Variants in PRKN observed in about 807,000 individuals in gnomAD.
PRKN encodes E3 ubiquitin-protein ligase parkin.
A neutral mutation model predicts 59.5 loss-of-function variants in PRKN; 56 were observed. The ratio of observed to expected loss-of-function variants is 0.94; its 90% CI spans 0.76 to 1.18. The LOEUF (loss-of-function observed/expected upper bound fraction) is 1.18. Ranked by LOEUF, PRKN falls within the 50% of genes most tolerant of loss-of-function variation. The pLI, the probability that PRKN is intolerant of heterozygous loss-of-function variation, is 0.00. For missense variants in PRKN, 657 were observed against 596.4 expected, an observed-to-expected ratio of 1.10 and a Z score of -1.06; for synonymous variants, 250 against 222.1, an observed-to-expected ratio of 1.13 and a Z score of -1.12.
rs538280426 is a variant in PRKN, at chr6:162,019,891, C to T, written c.618+34200G>A. ...AAAATTAGCCTGGTGTGGTGGCGGG[C>T]GCCTGTAATCCCAGCTACTCAGGAG... On this transcript the variant is annotated intron_variant, in intron 5 of 11. Transcript: ENST00000366898. Among the ~76,000 whole-genome samples the T allele has an allele frequency of 6.6e-4, 101 of 151,956 alleles. 1 individual carries two copies. The highest frequency in any genetic ancestry group is 2.3e-3 in the African/African-American group (97 of 41,434).
chr6:162,153,548 C>G (rs58713232), intron 4 of PRKN, among the ~76,000 whole-genome samples: 1 of 152,244 alleles, frequency 6.6e-6, no homozygotes, highest in African/African-American at 2.4e-5. Flanking sequence ...ATTATAACAG[C>G]CTTTTGGGGT....
chr6:162,225,426 T>C (rs12664209), intron 3 of PRKN, among the ~76,000 whole-genome samples: 20,048 of 152,204 alleles, frequency 0.13, 1,462 homozygotes, highest in South Asian at 0.26. Flanking sequence ...CAGGCTTACA[T>C]GTTATTGTGG....
At chr6:162,475,000 G>A (rs920168672) in intron 1 of PRKN, among the ~76,000 whole-genome samples, 1 of 152,090 alleles carries the variant, frequency 6.6e-6, no homozygotes, top group African/African-American at 2.4e-5. Flanking sequence ...ATTCTTCTGA[G>A]AATTGTTTAT....
intron 7 of PRKN, among the ~76,000 whole-genome samples, chr6:161,739,085 C>T (rs909928423): frequency 2.0e-5 from 3 of 152,072 alleles, no homozygotes; most frequent in Non-Finnish European, 4.4e-5. Context: ...TCACTGGATC[C>T]GTATTTTCTC....
chr6:162,711,468 G>C (rs1778535212), intron 1 of PRKN, among the ~76,000 whole-genome samples: 1 of 149,300 alleles, frequency 6.7e-6, no homozygotes, highest in Non-Finnish European at 1.5e-5. Context: ...GGCTGGCCCT[G>C]AACTATTCCG....
At chr6:162,410,790 T>C (rs1018633486) in intron 2 of PRKN, among the ~76,000 whole-genome samples, 2 of 152,142 alleles carry the variant, frequency 1.3e-5, no homozygotes, top group African/African-American at 4.8e-5. Context: ...TGTTATCACC[T>C]GAGGAGCTGA....
intron 1 of PRKN, among the ~76,000 whole-genome samples, chr6:162,475,511 C>T (rs1471821889): frequency 6.6e-6 from 1 of 152,176 alleles, no homozygotes; most frequent in Non-Finnish European, 1.5e-5. Flanking sequence ...AAGATAGAGA[C>T]GTAAGAACCG....
chr6:161,376,270 C>A lies in PRKN; in HGVS notation c.1167+10524G>T, dbSNP rs572466927. On this transcript the variant is annotated intron_variant, in intron 10 of 11. Transcript: ENST00000366898. The surrounding 1 kb of genome is among the most constrained non-coding windows in gnomAD (Gnocchi z 7.3). ...GAGATTGTCAGTCTTGCATCTTGAT[C>A]GCTGGCTCCAGCCTGGATTCTCCTC... Among the ~76,000 whole-genome samples, 3 of 152,196 alleles carry A rather than the reference C, an allele frequency of 2.0e-5. No homozygotes were observed. The East Asian group carries it at 5.8e-4, about 30-fold the overall frequency.
intron 7 of PRKN, among the ~76,000 whole-genome samples, chr6:161,691,739 A>G (rs912911591): frequency 6.6e-6 from 1 of 152,248 alleles, no homozygotes; most frequent in East Asian, 1.9e-4. Context: ...TGAAAAGGAC[A>G]TCCTTGTTCA....
At chr6:161,631,963 G>A (rs1002777173) in intron 7 of PRKN, among the ~76,000 whole-genome samples, 5 of 152,156 alleles carry the variant, frequency 3.3e-5, no homozygotes, top group African/African-American at 1.2e-4. Context: ...TGTGTAAGTC[G>A]TTAACTATTT....
At chr6:161,555,865 T>C (rs1780218881) in intron 8 of PRKN, among the ~76,000 whole-genome samples, 2 of 152,242 alleles carry the variant, frequency 1.3e-5, no homozygotes, top group Admixed American at 1.3e-4. Context: ...TAAATAATTC[T>C]AATAAGATAA....
At chr6:162,107,655 T>C (rs1010884088) in intron 4 of PRKN, among the ~76,000 whole-genome samples, 1 of 152,210 alleles carries the variant, frequency 6.6e-6, no homozygotes, top group African/African-American at 2.4e-5. Context: ...GTTACTGTTA[T>C]ATCACTAGGG....
chr6:162,630,078 A>G (rs1394787119), intron 1 of PRKN, among the ~76,000 whole-genome samples: 1 of 152,164 alleles, frequency 6.6e-6, no homozygotes. Context: ...AGTAGGTGCT[A>G]AAGGTGTTTG....
chr6:162,459,924 A>T (rs545831902), intron 1 of PRKN, among the ~76,000 whole-genome samples: 28 of 152,342 alleles, frequency 1.8e-4, no homozygotes, highest in Admixed American at 6.5e-4. Context: ...TGGGAATGTA[A>T]AATGCTACCG....
Position 161,679,556 on chromosome 6 carries a change from CTTTTTT to C in PRKN, c.871+106210_871+106215del, listed in dbSNP as rs34325718. Reference sequence around the variant, plus strand: ...TTCTTGGCAAGCTGGAGTTTCAAGTCTTTTTTTTTTTTTTTTTTTTTTTAAACACCA... The same window carrying C: ...TTCTTGGCAAGCTGGAGTTTCAAGTCTTTTTTTTTTTTTTTTTAAACACCA... On this transcript the variant is annotated intron_variant, in intron 7 of 11. Transcript: ENST00000366898. Among the ~76,000 whole-genome samples the C allele has an allele frequency of 1.9e-4, 21 of 109,034 alleles. 1 individual carries two copies. The South Asian group carries it at 6.0e-3, about 31-fold the overall frequency. The allele number at this position is 109,034 out of a possible 152,430, so 71.5% of individuals were successfully genotyped here. A position where few individuals can be genotyped will look rare whatever the true frequency, so the allele number is the denominator to read the frequency against.
intron 6 of PRKN, among the ~76,000 whole-genome samples, chr6:161,818,247 C>T (rs937573570): frequency 1.3e-5 from 2 of 152,008 alleles, no homozygotes; most frequent in African/African-American, 4.8e-5. Flanking sequence ...GGGGCAGGTC[C>T]TTGTGAGACT....
At chr6:161,874,164 A>ATAATATATATT (rs1794504473) in intron 6 of PRKN, among the ~76,000 whole-genome samples, 1 of 21,052 alleles carries the variant, frequency 4.8e-5, no homozygotes, top group Non-Finnish European at 7.9e-5. Flanking sequence ...TATTATATAT[A>ATAATATATATT]ATATATAATA....
At chr6:162,207,458 C>T (rs1199981441) in intron 3 of PRKN, among the ~76,000 whole-genome samples, 1 of 152,170 alleles carries the variant, frequency 6.6e-6, no homozygotes, top group African/African-American at 2.4e-5. Context: ...CTGGGCAGGT[C>T]AAACACGGAG....
chr6:161,874,224 ATT>A lies in PRKN; in HGVS notation c.735-88318_735-88317del, dbSNP rs1317998149. On this transcript the variant is annotated intron_variant, in intron 6 of 11. Transcript: ENST00000366898. ...ATATTATATGTAAAATATAATATATATTATATATAATATATAATATATAATAT... is the reference window on the plus strand; with the variant it reads ...ATATTATATGTAAAATATAATATATAATATATAATATATAATATATAATAT... Among the ~76,000 whole-genome samples the A allele has an allele frequency of 4.0e-3, 156 of 38,522 alleles. 35 individuals are homozygous for A. The highest frequency in any genetic ancestry group is 0.013 in the African/African-American group (121 of 9,674). The allele number at this position is 38,522 out of a possible 152,430, so 25.3% of individuals were successfully genotyped here.
Sources: gnomAD v4.1 joint callset for allele counts (sites outside exome capture counted in the v4.1 genomes callset) on GRCh38, gnomAD v4.1.1 for gene constraint, Gnocchi (gnomAD v3.1) non-coding constraint, MANE v1.5 for transcripts, NCBI Gene and HGNC (gene_info 2026-07-23, HGNC 2026-07-21) for gene names.